The following PTPRT variants were observed in gnomAD, a reference collection of about 807,000 sequenced individuals.
PTPRT encodes receptor-type tyrosine-protein phosphatase T.
A neutral mutation model predicts 176.8 loss-of-function variants in PTPRT; 56 were observed. The observed-to-expected ratio is 0.32, with a 90% CI of 0.26 to 0.40. The LOEUF (loss-of-function observed/expected upper bound fraction) is 0.40, where lower values mean the gene tolerates loss of function less well. Among genes scored for constraint, PTPRT ranks in the 10% least tolerant of loss-of-function variants. The pLI, the probability that PTPRT is intolerant of heterozygous loss-of-function variation, is 1.00. For synonymous variants in PTPRT, 783 were observed against 739.0 expected, an observed-to-expected ratio of 1.06 and a Z score of -0.96; for missense variants, 1,540 against 1,908.2, an observed-to-expected ratio of 0.81 and a Z score of 3.60.
At chr20:42,771,847 T>G (rs1022054083) in intron 4 of PTPRT, among the ~76,000 whole-genome samples, 1 of 152,182 alleles carries the variant, frequency 6.6e-6, no homozygotes, top group Non-Finnish European at 1.5e-5. Flanking sequence ...CAGACACATA[T>G]CCAGAGGGGG....
intron 9 of PTPRT, among the ~76,000 whole-genome samples, chr20:42,447,136 C>A (rs556228822): frequency 1.3e-5 from 2 of 152,180 alleles, no homozygotes; most frequent in East Asian, 3.9e-4. Context: ...CTTATGGCAG[C>A]AATATTCTTC....
At chr20:42,629,815 A>C (rs1189387931) in intron 7 of PTPRT, among the ~76,000 whole-genome samples, 1 of 152,186 alleles carries the variant, frequency 6.6e-6, no homozygotes, top group East Asian at 1.9e-4. Flanking sequence ...CCAAGGATCC[A>C]AACGACATGG....
In PTPRT at chr20:42,842,660, T is replaced by A. The variant is rs75134376; in HGVS notation, c.214+43147A>T. Among the ~76,000 whole-genome samples, 102 of 152,296 alleles carry A rather than the reference T, an allele frequency of 6.7e-4. 2 individuals are homozygous for A. In the East Asian group the frequency reaches 0.016, roughly 23 times the overall value. ...GTCTTGAACTCCTGACCTCAAGTAA[T>A]CTGCCCACTTTCGCCTCTAAAAGTG... On this transcript the variant is annotated intron_variant, in intron 2 of 30. Transcript: ENST00000373187.
intron 1 of PTPRT, among the ~76,000 whole-genome samples, chr20:43,173,667 G>A (rs892534432): frequency 2.6e-5 from 4 of 152,152 alleles, no homozygotes; most frequent in African/African-American, 4.8e-5. Context: ...TTTGGTATAC[G>A]GCACCTTCAG....
Position 42,756,755 on chromosome 20 carries a change from A to G in PTPRT, c.685-119T>C, listed in dbSNP as rs1045984311. On this transcript the variant is annotated intron_variant, in intron 5 of 30. Transcript: ENST00000373187. ...CTGGGGCTCAAGACTTTCCACTATA[A>G]TAAGGGATTTCCAGCCAGGCACAGT... 2 of 875,746 alleles carry G rather than the reference A, an allele frequency of 2.3e-6. 1 individual carries two copies. The highest frequency in any genetic ancestry group is 4.5e-5 in the South Asian group (2 of 44,844). 54.2% of individuals were successfully genotyped at this position (875,746 alleles called of 1,614,324 possible). A position where few individuals can be genotyped will look rare whatever the true frequency, so the allele number is the denominator to read the frequency against.
At chr20:42,803,752 C>T (rs111819874) in intron 2 of PTPRT, among the ~76,000 whole-genome samples, 1 of 152,326 alleles carries the variant, frequency 6.6e-6, no homozygotes, top group African/African-American at 2.4e-5. Context: ...CAGCATTTCA[C>T]CATGTTGGCC....
At chr20:42,248,595 G>C (rs1600726576) in intron 14 of PTPRT, 92 bp downstream of exon 14, 1 of 1,467,630 alleles carries the variant, frequency 6.8e-7, no homozygotes, top group East Asian at 2.3e-5. Context: ...ATCCCTGCTG[G>C]ACAATGATCA....
chr20:42,963,113 G>C (rs1209011763), intron 1 of PTPRT, among the ~76,000 whole-genome samples: 1 of 152,062 alleles, frequency 6.6e-6, no homozygotes, highest in Non-Finnish European at 1.5e-5. Context: ...GCAGGAGAAT[G>C]GCGTGAACCC....
intron 1 of PTPRT, among the ~76,000 whole-genome samples, chr20:43,090,846 C>CA (rs1275395430): frequency 6.6e-6 from 1 of 151,500 alleles, no homozygotes; most frequent in Non-Finnish European, 1.5e-5. Context: ...AAATAATTAC[C>CA]AAAAATATAT....
intron 7 of PTPRT, among the ~76,000 whole-genome samples, chr20:42,567,893 G>A (rs1173961036): frequency 6.6e-6 from 1 of 152,076 alleles, no homozygotes; most frequent in Non-Finnish European, 1.5e-5. Context: ...GAGGCAAAAT[G>A]GCTTAAATAG....
chr20:43,001,490 A>G (rs1286973313), intron 1 of PTPRT, among the ~76,000 whole-genome samples: 3 of 152,150 alleles, frequency 2.0e-5, no homozygotes, highest in Non-Finnish European at 4.4e-5. Context: ...AACAAAAAAA[A>G]AACAGATTTA....
At chr20:42,191,982 G>T (rs1307005641) in intron 16 of PTPRT, among the ~76,000 whole-genome samples, 1 of 152,146 alleles carries the variant, frequency 6.6e-6, no homozygotes, top group Non-Finnish European at 1.5e-5. Context: ...AACAATGAGG[G>T]GTGGGGGATT....
At chr20:42,154,880 A>T (rs1989285926) in intron 17 of PTPRT, among the ~76,000 whole-genome samples, 1 of 151,998 alleles carries the variant, frequency 6.6e-6, no homozygotes, top group Non-Finnish European at 1.5e-5. Flanking sequence ...CAGGCTGGGG[A>T]GGAGGGAGGA....
chr20:43,043,908 G>A (rs955344315), intron 1 of PTPRT, among the ~76,000 whole-genome samples: 11 of 152,114 alleles, frequency 7.2e-5, no homozygotes, highest in Admixed American at 7.2e-4. Context: ...CAGATTCAGC[G>A]CTTCTTTCTC....
intron 15 of PTPRT, among the ~76,000 whole-genome samples, chr20:42,210,252 C>A (rs990019157): frequency 9.2e-5 from 14 of 152,302 alleles, no homozygotes; most frequent in Admixed American, 5.2e-4. Context: ...CAGGGATGCC[C>A]TCTCTCACCA....
chr20:42,986,695 A>G (rs1344337047), intron 1 of PTPRT, among the ~76,000 whole-genome samples: 3 of 152,210 alleles, frequency 2.0e-5, no homozygotes, highest in Non-Finnish European at 2.9e-5. Context: ...AGGAGTTTAC[A>G]TGGATTTATC....
chr20:42,714,773 T>C (rs572809920), intron 6 of PTPRT, among the ~76,000 whole-genome samples: 1 of 152,328 alleles, frequency 6.6e-6, no homozygotes, highest in African/African-American at 2.4e-5. Context: ...GCAGTCTTGT[T>C]GAACTGAGGA....
At chr20:43,035,643 C>A (rs1986345983) in intron 1 of PTPRT, among the ~76,000 whole-genome samples, 1 of 152,126 alleles carries the variant, frequency 6.6e-6, no homozygotes, top group South Asian at 2.1e-4. Context: ...TTTTCAAAAA[C>A]CAGATGAACA....
chr20:42,223,095 G>C (rs112017107), intron 15 of PTPRT, among the ~76,000 whole-genome samples: 111 of 152,262 alleles, frequency 7.3e-4, no homozygotes, highest in African/African-American at 2.6e-3. Flanking sequence ...TGTGAGAGTA[G>C]AGAAAAAATG....
Sources: gnomAD v4.1 joint callset for allele counts (sites outside exome capture counted in the v4.1 genomes callset) on GRCh38, gnomAD v4.1.1 for gene constraint, MANE v1.5 for transcripts, NCBI Gene and HGNC (gene_info 2026-07-23, HGNC 2026-07-21) for gene names.